ARL15: variants seen among roughly 807,000 people sequenced by gnomAD.
ARL15 encodes ARF like GTPase 15.
In ARL15, 19 loss-of-function variants were observed where a neutral mutation model predicts 25.2. That is an observed-to-expected ratio of 0.75 (90% CI 0.53 to 1.10). The LOEUF (loss-of-function observed/expected upper bound fraction) is 1.10. Among genes scored for constraint, ARL15 ranks in the 50% least tolerant of loss-of-function variants. The pLI is 0.00. For synonymous variants in ARL15, 94 were observed against 86.8 expected (o/e 1.08, Z -0.46); for missense variants, 220 against 246.0 (o/e 0.89, Z 0.71).
intron 4 of ARL15, among the ~76,000 whole-genome samples, chr5:54,005,052 A>G (rs1356054680): frequency 1.3e-5 from 2 of 151,938 alleles, no homozygotes; most frequent in East Asian, 1.9e-4. Context: ...AGTTCTCACT[A>G]TGTTGTCCAG....
At chr5:54,225,477 G>A (rs1439535491) in intron 1 of ARL15, among the ~76,000 whole-genome samples, 1 of 152,168 alleles carries the variant, frequency 6.6e-6, no homozygotes. Flanking sequence ...AGCAGGAGAA[G>A]ATACTACTTG....
chr5:54,206,919 A>G (rs1232284444), intron 1 of ARL15, among the ~76,000 whole-genome samples: 1 of 152,252 alleles, frequency 6.6e-6, no homozygotes, highest in Admixed American at 6.5e-5. Flanking sequence ...TTAAAATACA[A>G]TGCATTTTCA....
intron 1 of ARL15, among the ~76,000 whole-genome samples, chr5:54,241,213 AC>A (rs1337980652): frequency 6.6e-6 from 1 of 152,196 alleles, no homozygotes; most frequent in Non-Finnish European, 1.5e-5. Context: ...CAGCAGAACA[AC>A]CAGTACCAGA....
intron 1 of ARL15, chr5:54,285,286 A>C (rs1009694006): frequency 1.7e-5 from 13 of 781,696 alleles, no homozygotes; most frequent in Non-Finnish European, 2.0e-5. Flanking sequence ...CTATAGAAAA[A>C]GAATGCCTAA....
At chr5:53,898,635 T>G (rs780517273) in intron 4 of ARL15, among the ~76,000 whole-genome samples, 1 of 151,848 alleles carries the variant, frequency 6.6e-6, no homozygotes, top group African/African-American at 2.4e-5. Flanking sequence ...TTTTTTTTGG[T>G]TTGGGTTCCA....
At chr5:53,933,701 C>G (rs1212561655) in intron 4 of ARL15, among the ~76,000 whole-genome samples, 1 of 137,160 alleles carries the variant, frequency 7.3e-6, no homozygotes, top group Non-Finnish European at 1.6e-5. Context: ...TCAGAATGAA[C>G]ACTTAAAAAG....
At chr5:54,122,453 C>T (rs1013023987) in intron 3 of ARL15, among the ~76,000 whole-genome samples, 4 of 152,244 alleles carry the variant, frequency 2.6e-5, no homozygotes, top group Non-Finnish European at 5.9e-5. Context: ...TGCGTGTATA[C>T]GCATACCTTT....
intron 1 of ARL15, among the ~76,000 whole-genome samples, chr5:54,220,525 C>T (rs1218109465): frequency 3.3e-5 from 5 of 152,168 alleles, no homozygotes; most frequent in African/African-American, 9.7e-5. Context: ...TTAAATGCAG[C>T]TATTACTGGT....
At position 54,000,836 on chromosome 5, in the gene ARL15, C is replaced by A. The variant is rs551259880; in HGVS notation, c.462+112366G>T. Among the ~76,000 whole-genome samples, 3 of 152,208 alleles carry A rather than the reference C, an allele frequency of 2.0e-5. No individual in the cohort carries two copies. In the East Asian group the frequency reaches 5.8e-4, roughly 29 times the overall value. Reference sequence around the variant, plus strand: ...TCCTTGAAAAAAGGTTTAGTGCTGACATATTAGATTTCACAGGAATCACCC... The same window carrying A: ...TCCTTGAAAAAAGGTTTAGTGCTGAAATATTAGATTTCACAGGAATCACCC... On this transcript the variant is annotated intron_variant, in intron 4 of 4. Transcript: ENST00000504924.
intron 1 of ARL15, among the ~76,000 whole-genome samples, chr5:54,249,015 C>A (rs553770613): frequency 2.0e-5 from 3 of 151,792 alleles, no homozygotes; most frequent in Non-Finnish European, 4.4e-5. Flanking sequence ...TCAACCTGGG[C>A]ACTGCAGTGA....
intron 1 of ARL15, among the ~76,000 whole-genome samples, chr5:54,224,246 G>A (rs1463632826): frequency 6.6e-6 from 1 of 152,166 alleles, no homozygotes; most frequent in African/African-American, 2.4e-5. Context: ...GCACGCAACT[G>A]AAAGGAGATA....
intron 1 of ARL15, among the ~76,000 whole-genome samples, chr5:54,306,026 C>A (rs1758744736): frequency 6.6e-6 from 1 of 152,082 alleles, no homozygotes; most frequent in Non-Finnish European, 1.5e-5. Context: ...GAAGCTACCC[C>A]CTCCCCTATG....
chr5:54,200,612 T>A (rs1755695731), intron 1 of ARL15, among the ~76,000 whole-genome samples: 2 of 152,142 alleles, frequency 1.3e-5, no homozygotes, highest in Non-Finnish European at 2.9e-5. Flanking sequence ...TTAGTTGATA[T>A]AATCATAAAC....
chr5:53,998,720 G>C (rs1159665604), intron 4 of ARL15, among the ~76,000 whole-genome samples: 2 of 152,198 alleles, frequency 1.3e-5, no homozygotes, highest in African/African-American at 4.8e-5. Flanking sequence ...CAATCAGCTT[G>C]TTACTTACTG....
chr5:54,073,070 C>T (rs149152882), intron 4 of ARL15, among the ~76,000 whole-genome samples: 134 of 152,218 alleles, frequency 8.8e-4, no homozygotes, highest in Middle Eastern at 3.4e-3. Flanking sequence ...AATAAGTTAT[C>T]AAGTCAGTGA....
intron 1 of ARL15, among the ~76,000 whole-genome samples, chr5:54,250,970 T>C (rs1246439282): frequency 6.6e-6 from 1 of 152,220 alleles, no homozygotes; most frequent in African/African-American, 2.4e-5. Flanking sequence ...TAACTAAATA[T>C]AGTTTTACTA....
At chr5:54,162,267 C>A (rs903021153) in intron 2 of ARL15, among the ~76,000 whole-genome samples, 3 of 152,078 alleles carry the variant, frequency 2.0e-5, no homozygotes, top group African/African-American at 7.2e-5. Context: ...GTCCAAACAC[C>A]AAGCATCTAC....
At chr5:54,071,785 C>A (rs886346106) in intron 4 of ARL15, among the ~76,000 whole-genome samples, 2 of 151,850 alleles carry the variant, frequency 1.3e-5, no homozygotes, top group Admixed American at 6.6e-5. Context: ...TCCTGGCTAA[C>A]ACGGTGAAAC....
At chr5:53,910,409 G>A (rs929884624) in intron 4 of ARL15, among the ~76,000 whole-genome samples, 10 of 151,774 alleles carry the variant, frequency 6.6e-5, no homozygotes, top group Admixed American at 1.3e-4. Flanking sequence ...TAATGCCACC[G>A]TAAGAAAAGG....
Sources: gnomAD v4.1 joint callset for allele counts (sites outside exome capture counted in the v4.1 genomes callset) on GRCh38, gnomAD v4.1.1 for gene constraint, MANE v1.5 for transcripts, NCBI Gene and HGNC (gene_info 2026-07-23, HGNC 2026-07-21) for gene names.